Variants in COL22A1 observed in about 807,000 individuals in gnomAD.
COL22A1 encodes collagen alpha-1(XXII) chain.
COL22A1 carries 221 observed loss-of-function variants against 248.9 expected under a neutral mutation model. That is an observed-to-expected ratio of 0.89 (90% CI 0.80 to 0.99). The LOEUF (loss-of-function observed/expected upper bound fraction) is 0.99, where lower values mean the gene tolerates loss of function less well. Among genes scored for constraint, COL22A1 ranks in the 50% least tolerant of loss-of-function variants. The probability of loss-of-function intolerance (pLI) is 0.00; values close to 1 mark genes in which losing one functional copy is unlikely to be tolerated. For synonymous variants in COL22A1, 891 were observed against 793.4 expected (o/e 1.12, Z -2.07); for missense variants, 2,240 against 2,179.0 (o/e 1.03, Z -0.56).
chr8:138,600,605 G>T (rs186255275), intron 60 of COL22A1, among the ~76,000 whole-genome samples: 154 of 152,304 alleles, frequency 1.0e-3, no homozygotes, highest in African/African-American at 3.6e-3. Flanking sequence ...AGGAGATGGG[G>T]CTAAGGGGTG....
chr8:138,712,854 G>A (rs1256749247), intron 30 of COL22A1, among the ~76,000 whole-genome samples: 1 of 151,888 alleles, frequency 6.6e-6, no homozygotes, highest in Non-Finnish European at 1.5e-5. Context: ...GGTTCTACCA[G>A]CAGAGGGTAA....
chr8:138,802,030 C>T (rs1001771838), intron 11 of COL22A1, among the ~76,000 whole-genome samples: 3 of 152,184 alleles, frequency 2.0e-5, no homozygotes, highest in Non-Finnish European at 4.4e-5. Context: ...AGTGCTTCCA[C>T]CAGGACAGGG....
At chr8:138,890,033 C>A (rs977508662) in intron 1 of COL22A1, among the ~76,000 whole-genome samples, 3 of 152,046 alleles carry the variant, frequency 2.0e-5, no homozygotes, top group African/African-American at 7.2e-5. Context: ...GTAACAGACA[C>A]CATGACCAAG....
chr8:138,717,378 A>G (rs1016699984), intron 27 of COL22A1, among the ~76,000 whole-genome samples: 1 of 152,062 alleles, frequency 6.6e-6, no homozygotes, highest in Admixed American at 6.6e-5. Context: ...TGATCTCCTG[A>G]CCTCGTGATC....
At chr8:138,713,872 A>G (rs1442068987) in intron 30 of COL22A1, among the ~76,000 whole-genome samples, 1 of 152,128 alleles carries the variant, frequency 6.6e-6, no homozygotes, top group Non-Finnish European at 1.5e-5. Context: ...TCTAGACCAG[A>G]CACTATCCTG....
rs145591257 is a variant in COL22A1, at chr8:138,832,058, A to G, written c.845+981T>C. ...ACCCACCAAAACCAAAATGGCCATG[A>G]GAGTGATCTCTGGTCGTTCTCACTG... On this transcript the variant is annotated intron_variant, in intron 5 of 64. Coordinates refer to ENST00000303045, the MANE Select transcript of COL22A1 (RefSeq NM_152888.3). Among the ~76,000 whole-genome samples the G allele has an allele frequency of 4.1e-4, 63 of 152,302 alleles. No homozygotes were observed. The East Asian group carries it at 6.4e-3, about 15-fold the overall frequency.
At chr8:138,840,534 T>TACACACAC (rs34512818) in intron 4 of COL22A1, among the ~76,000 whole-genome samples, 70 of 149,148 alleles carry the variant, frequency 4.7e-4, no homozygotes, top group Admixed American at 1.0e-3. Flanking sequence ...CATGTGTGAG[T>TACACACAC]ACACACACAC....
chr8:138,796,777 T>G lies in COL22A1; in HGVS notation c.1596+42A>C, dbSNP rs373888204. On this transcript the variant is annotated intron_variant, in intron 12 of 64. Transcript: ENST00000303045. ...ACCTCCCCCAAACCTAAGTCCTCTG[T>G]CCCATTCCCTTGGAGGAGTGTGATA... 6.2e-5 allele frequency: 87 copies of G among 1,398,498 alleles called. No individual in the cohort carries two copies. In the Middle Eastern group the frequency reaches 1.8e-3, roughly 28 times the overall value. 86.6% of individuals were successfully genotyped at this position (1,398,498 alleles called of 1,614,324 possible).
At chr8:138,713,828 C>T (rs1829225622) in intron 30 of COL22A1, among the ~76,000 whole-genome samples, 1 of 152,120 alleles carries the variant, frequency 6.6e-6, no homozygotes, top group African/African-American at 2.4e-5. Context: ...TTGACATGAG[C>T]TGAAATATTA....
At chr8:138,796,784 C>A (rs1356653090) in intron 12 of COL22A1, 35 bp downstream of exon 12, 2 of 1,465,066 alleles carry the variant, frequency 1.4e-6, no homozygotes, top group African/African-American at 2.8e-5. Context: ...CTGTCCCATT[C>A]CCTTGGAGGA....
chr8:138,882,754 CCT>C (rs1475098691), intron 2 of COL22A1, among the ~76,000 whole-genome samples: 4 of 151,382 alleles, frequency 2.6e-5, no homozygotes, highest in African/African-American at 7.3e-5. Context: ...ACACACATTC[CCT>C]CTCACTCCCT....
chr8:138,734,128 G>A (rs1037332207), intron 23 of COL22A1, among the ~76,000 whole-genome samples: 1 of 152,118 alleles, frequency 6.6e-6, no homozygotes, highest in Non-Finnish European at 1.5e-5. Flanking sequence ...GTTGCTCCCC[G>A]AAAGCTCTGC....
intron 57 of COL22A1, among the ~76,000 whole-genome samples, chr8:138,606,963 GT>G (rs1178139426): frequency 1.3e-5 from 2 of 152,136 alleles, no homozygotes; most frequent in Non-Finnish European, 2.9e-5. Context: ...CACCTCCTCT[GT>G]TCTGTCTCAC....
chr8:138,864,062 T>G (rs1822686229), intron 3 of COL22A1, among the ~76,000 whole-genome samples: 1 of 152,066 alleles, frequency 6.6e-6, no homozygotes, highest in African/African-American at 2.4e-5. Context: ...CCTCTGGACC[T>G]CCTCCAGTTT....
Position 138,655,811 on chromosome 8 carries a change from C to A in COL22A1, c.3333+86G>T, listed in dbSNP as rs568622772. ...TCGTTAATACTACCAAATAGTTGTT[C>A]AAAAAAAACCCCAACTTATTATCAA... On this transcript the variant is annotated intron_variant, in intron 45 of 64. Transcript: ENST00000303045. 104 of 1,148,928 alleles carry A rather than the reference C, an allele frequency of 9.1e-5. No individual in the cohort carries two copies. The African/African-American group carries it at 1.4e-3, about 15-fold the overall frequency. The allele number at this position is 1,148,928 out of a possible 1,614,324, so 71.2% of individuals were successfully genotyped here. A position where few individuals can be genotyped will look rare whatever the true frequency, so the allele number is the denominator to read the frequency against.
At chr8:138,740,269 A>G (rs770988170) in intron 22 of COL22A1, among the ~76,000 whole-genome samples, 1 of 152,214 alleles carries the variant, frequency 6.6e-6, no homozygotes. Context: ...AACTGTGTTG[A>G]GAGGAAAGAC....
intron 23 of COL22A1, 106 bp from the exon 24 acceptor site, chr8:138,725,546 G>A (rs1022130046): frequency 5.7e-6 from 5 of 880,316 alleles, no homozygotes; most frequent in East Asian, 5.4e-5. Flanking sequence ...AGGATGAGGT[G>A]GGATTTTAAC....
At position 138,618,546 on chromosome 8, in the gene COL22A1, T is replaced by C. The variant is rs1819512203; in HGVS notation, c.3825+909A>G. 3.3e-5 allele frequency among the ~76,000 whole-genome samples: 5 copies of C among 152,222 alleles called. No homozygotes were observed. The South Asian group carries it at 1.0e-3, about 32-fold the overall frequency. The stretch of plus-strand genomic sequence containing the variant: ...CCATAAGAGGTCGTATTCCTCATTC[T>C]TGGGTGTTTTCTGGTGCAATCATGT... On this transcript the variant is annotated intron_variant, in intron 53 of 64. Coordinates refer to ENST00000303045, the MANE Select transcript of COL22A1 (RefSeq NM_152888.3).
intron 16 of COL22A1, 93 bp from the exon 17 acceptor site, chr8:138,762,559 A>T: frequency 8.1e-7 from 1 of 1,227,434 alleles, no homozygotes; most frequent in Non-Finnish European, 1.2e-6. Flanking sequence ...ATGGACAAGG[A>T]GGGTGGGGAA....
Sources: allele counts gnomAD v4.1 joint callset (sites outside exome capture counted in the v4.1 genomes callset), GRCh38; gene constraint gnomAD v4.1.1; transcripts MANE v1.5; gene names NCBI Gene and HGNC (gene_info 2026-07-23, HGNC 2026-07-21).